Variants in ITFG1 observed in about 807,000 individuals in gnomAD.
The protein encoded by ITFG1 is T-cell immunomodulatory protein.
Under a neutral mutation model 81.8 loss-of-function variants are expected in ITFG1, and 34 were observed. That is an observed-to-expected ratio of 0.42 (90% CI 0.32 to 0.55). ITFG1 has a LOEUF of 0.55. Among genes scored for constraint, ITFG1 ranks in the 20% least tolerant of loss-of-function variants. The pLI, the probability that ITFG1 is intolerant of heterozygous loss-of-function variation, is 0.17. For missense variants in ITFG1, 672 were observed against 755.4 expected, an observed-to-expected ratio of 0.89 and a Z score of 1.29; for synonymous variants, 285 against 270.6, an observed-to-expected ratio of 1.05 and a Z score of -0.52.
chr16:47,458,340 A>G (rs1478348461), intron 2 of ITFG1, among the ~76,000 whole-genome samples: 1 of 152,172 alleles, frequency 6.6e-6, no homozygotes, highest in Non-Finnish European at 1.5e-5. Context: ...TCTCTTATAA[A>G]TGCTCTGTCC....
intron 14 of ITFG1, among the ~76,000 whole-genome samples, chr16:47,200,511 T>C (rs948692542): frequency 1.8e-4 from 27 of 152,226 alleles, no homozygotes; most frequent in Non-Finnish European, 2.5e-4. Context: ...TATTTTTAGA[T>C]ATCATTACAC....
intron 6 of ITFG1, among the ~76,000 whole-genome samples, chr16:47,390,787 G>C (rs181349171): frequency 4.6e-5 from 7 of 152,078 alleles, no homozygotes; most frequent in Admixed American, 3.9e-4. Flanking sequence ...GAAATATTTT[G>C]CCTGAACTGT....
intron 12 of ITFG1, among the ~76,000 whole-genome samples, chr16:47,240,083 G>A (rs1279698353): frequency 6.6e-6 from 1 of 151,030 alleles, no homozygotes; most frequent in Non-Finnish European, 1.5e-5. Flanking sequence ...CTTGAGCTCA[G>A]GAGTTTGAGA....
chr16:47,365,152 G>A (rs909798205), intron 8 of ITFG1, among the ~76,000 whole-genome samples: 2 of 152,120 alleles, frequency 1.3e-5, no homozygotes, highest in African/African-American at 2.4e-5. Context: ...GAAAGCCTAC[G>A]GTGGTTTATT....
chr16:47,404,631 G>A (rs1411106302), intron 6 of ITFG1, among the ~76,000 whole-genome samples: 2 of 151,836 alleles, frequency 1.3e-5, no homozygotes, highest in Non-Finnish European at 2.9e-5. Context: ...ACACATACAC[G>A]TATGCATACA....
intron 12 of ITFG1, among the ~76,000 whole-genome samples, chr16:47,255,676 T>C (rs1185896037): frequency 6.6e-6 from 1 of 152,194 alleles, no homozygotes; most frequent in Admixed American, 6.5e-5. Flanking sequence ...ATAAATTTAT[T>C]GAATGTCTCC....
chr16:47,255,716 GCAAT>G (rs1473595645), intron 12 of ITFG1, among the ~76,000 whole-genome samples: 3 of 152,116 alleles, frequency 2.0e-5, no homozygotes, highest in Non-Finnish European at 4.4e-5. Context: ...TAGGCACCCA[GCAAT>G]CAAAGACAAA....
At chr16:47,216,213 T>C (rs534116435) in intron 14 of ITFG1, among the ~76,000 whole-genome samples, 3 of 152,310 alleles carry the variant, frequency 2.0e-5, no homozygotes, top group East Asian at 1.9e-4. Context: ...ATTTTTTTTT[T>C]TTCTGAGACG....
intron 13 of ITFG1, among the ~76,000 whole-genome samples, chr16:47,235,414 T>C (rs1229906992): frequency 6.6e-6 from 1 of 152,168 alleles, no homozygotes; most frequent in African/African-American, 2.4e-5. Flanking sequence ...GAAAATAGGC[T>C]GTGGTCAGAG....
chr16:47,411,793 T>C (rs1968814359), intron 6 of ITFG1, among the ~76,000 whole-genome samples: 1 of 152,114 alleles, frequency 6.6e-6, no homozygotes, highest in Non-Finnish European at 1.5e-5. Flanking sequence ...AAGGAGGTCA[T>C]CATTGCCACC....
chr16:47,416,773 G>A (rs1234389674), intron 6 of ITFG1, among the ~76,000 whole-genome samples: 2 of 152,176 alleles, frequency 1.3e-5, no homozygotes, highest in Non-Finnish European at 2.9e-5. Flanking sequence ...GGAGAACCAT[G>A]AGCCACAATA....
intron 10 of ITFG1, among the ~76,000 whole-genome samples, chr16:47,294,463 T>C (rs1966954049): frequency 6.6e-6 from 1 of 152,176 alleles, no homozygotes; most frequent in Admixed American, 6.5e-5. Flanking sequence ...GTCATTTTAA[T>C]GACATTGATT....
intron 6 of ITFG1, among the ~76,000 whole-genome samples, chr16:47,391,686 CT>C (rs1470175144): frequency 1.3e-5 from 2 of 152,108 alleles, no homozygotes; most frequent in Non-Finnish European, 2.9e-5. Flanking sequence ...TCTGAAGATC[CT>C]TTTTGAAAGT....
intron 6 of ITFG1, among the ~76,000 whole-genome samples, chr16:47,423,558 T>A (rs1968979533): frequency 6.6e-6 from 1 of 152,214 alleles, no homozygotes; most frequent in African/African-American, 2.4e-5. Context: ...CATGTTTTTG[T>A]AGTGGCTTGT....
intron 8 of ITFG1, among the ~76,000 whole-genome samples, chr16:47,322,461 G>C (rs1341947155): frequency 6.6e-6 from 1 of 152,208 alleles, no homozygotes; most frequent in Non-Finnish European, 1.5e-5. Context: ...CACCGAGGTG[G>C]GTGGATCACC....
At chr16:47,428,771 C>T in intron 6 of ITFG1, 33 bp downstream of exon 6, 1 of 1,341,882 alleles carries the variant, frequency 7.5e-7, no homozygotes, top group Non-Finnish European at 1.1e-6. Context: ...TCTTTGGTAA[C>T]TCAAAACAAT....
chr16:47,422,941 C>T (rs184697259), intron 6 of ITFG1, among the ~76,000 whole-genome samples: 7 of 152,228 alleles, frequency 4.6e-5, no homozygotes, highest in South Asian at 2.1e-4. Context: ...CTATTAGGTC[C>T]GCTTGGTCCA....
chr16:47,352,294 T>G (rs1302147797), intron 8 of ITFG1, among the ~76,000 whole-genome samples: 2 of 152,114 alleles, frequency 1.3e-5, no homozygotes, highest in African/African-American at 2.4e-5. Flanking sequence ...GGAGAAAAGT[T>G]TTGCAATCTA....
chr16:47,447,587 G>C (rs975493728), intron 5 of ITFG1, among the ~76,000 whole-genome samples: 1 of 152,110 alleles, frequency 6.6e-6, no homozygotes, highest in Admixed American at 6.5e-5. Flanking sequence ...CTGAAGTGCA[G>C]TGGTGTGATC....
Sources: gnomAD v4.1 joint callset for allele counts (sites outside exome capture counted in the v4.1 genomes callset) on GRCh38, gnomAD v4.1.1 for gene constraint, MANE v1.5 for transcripts, NCBI Gene and HGNC (gene_info 2026-07-23, HGNC 2026-07-21) for gene names.